DNAH9: variants seen among roughly 807,000 people sequenced by gnomAD.
DNAH9 encodes the protein DNAH9 variant protein.
DNAH9 carries 345 observed loss-of-function variants against 471.6 expected under a neutral mutation model. The ratio of observed to expected loss-of-function variants is 0.73; its 90% CI spans 0.67 to 0.80. The LOEUF (loss-of-function observed/expected upper bound fraction) is 0.80, where lower values mean the gene tolerates loss of function less well. Ranked by LOEUF, DNAH9 falls within the 30% of genes least tolerant of loss-of-function variation. DNAH9 has a pLI of 0.00. For missense variants in DNAH9, 5,407 were observed against 5,609.2 expected, an observed-to-expected ratio of 0.96 and a Z score of 1.15; for synonymous variants, 2,093 against 2,123.6, an observed-to-expected ratio of 0.99 and a Z score of 0.40.
chr17:11,937,931 C>G lies in DNAH9; in HGVS notation c.12660+409C>G, dbSNP rs1974768009. Among the ~76,000 whole-genome samples the G allele has an allele frequency of 6.6e-6, 1 of 152,202 alleles. No homozygotes were observed. Among genetic ancestry groups the G allele is most frequent in the Non-Finnish European group, 1.5e-5 (1 of 68,032 alleles). Reference sequence around the variant, plus strand: ...CCTGAGCACCCCCACCTCAGTTCACCAACCAGATGCCAGTGGGGAAGAACA... The same window carrying G: ...CCTGAGCACCCCCACCTCAGTTCACGAACCAGATGCCAGTGGGGAAGAACA... On this transcript the variant is annotated intron_variant, in intron 66 of 68. Transcript: ENST00000262442. This position sits in a 1 kb window ranked among gnomAD's most constrained non-coding sequence, Gnocchi z 4.1.
At chr17:11,846,960 T>C (rs1971246638) in intron 49 of DNAH9, among the ~76,000 whole-genome samples, 1 of 150,388 alleles carries the variant, frequency 6.6e-6, no homozygotes, top group African/African-American at 2.5e-5. Flanking sequence ...ACAGGGACAA[T>C]TTGACTTCCT....
chr17:11,627,774 T>G (rs968410848), intron 6 of DNAH9, among the ~76,000 whole-genome samples: 1 of 152,056 alleles, frequency 6.6e-6, no homozygotes, highest in African/African-American at 2.4e-5. Flanking sequence ...CAAACATACA[T>G]AGCTGAGCAA....
At chr17:11,688,355 G>C (rs543592734) in intron 19 of DNAH9, among the ~76,000 whole-genome samples, 130 of 152,310 alleles carry the variant, frequency 8.5e-4, no homozygotes, top group African/African-American at 2.8e-3. Flanking sequence ...ATGCAGAAGG[G>C]AGTGGCCCAG....
chr17:11,760,878 C>T (rs1037439135), intron 35 of DNAH9, among the ~76,000 whole-genome samples: 1 of 152,194 alleles, frequency 6.6e-6, no homozygotes, highest in Admixed American at 6.5e-5. Context: ...CGCGATGCTC[C>T]CCTGGCATCA....
At chr17:11,967,959 G>C (rs2151458918) in intron 68 of DNAH9, among the ~76,000 whole-genome samples, 1 of 152,176 alleles carries the variant, frequency 6.6e-6, no homozygotes, top group South Asian at 2.1e-4. Flanking sequence ...TAACAAAAGA[G>C]CCCCCAAAAT....
chr17:11,756,267 ACT>A (rs1308903105), intron 33 of DNAH9, among the ~76,000 whole-genome samples: 1 of 79,510 alleles, frequency 1.3e-5, no homozygotes, highest in Non-Finnish European at 2.7e-5. Flanking sequence ...ACAGAGCGAG[ACT>A]CTGTCAAAAA....
chr17:11,669,554 A>C lies in DNAH9; in HGVS notation c.3113A>C (p.Glu1038Ala), dbSNP rs747381768. 4 of 1,614,134 alleles carry C rather than the reference A, an allele frequency of 2.5e-6. No individual in the cohort carries two copies. Among genetic ancestry groups the C allele is most frequent in the Non-Finnish European group, 1.7e-6 (2 of 1,180,022 alleles). ...FLLYGHILTPEEIEDHVEDGI... is the reference protein window; with the variant it reads ...FLLYGHILTPAEIEDHVEDGI... ...CTGTACGGGCACATCCTCACTCCGG[A>C]AGAAATTGAAGACCATGTGGAAGAT... Residue 1038 changes from glutamate to alanine, a missense_variant, in exon 17 of 69, where the codon GAA becomes GCA. Transcript: ENST00000262442.
At position 11,679,652 on chromosome 17, in the gene DNAH9, G is replaced by A. The variant is rs112585497; in HGVS notation, c.3354-105G>A. The A allele has an allele frequency of 2.2e-5, 18 of 815,648 alleles. 1 individual carries two copies. Among genetic ancestry groups the A allele is most frequent in the African/African-American group, 1.3e-4 (8 of 60,082 alleles). The allele number at this position is 815,648 out of a possible 1,614,324, so 50.5% of individuals were successfully genotyped here. The stretch of plus-strand genomic sequence containing the variant: ...TGCTTAGTCAAGTGTTGGGCATGTG[G>A]TAGGATTTTCATAATGATAGATATT... On this transcript the variant is annotated intron_variant, in intron 17 of 68. Transcript: ENST00000262442.
At chr17:11,929,740 A>C in intron 62 of DNAH9, 126 bp from the exon 63 acceptor site, 1 of 785,370 alleles carries the variant, frequency 1.3e-6, no homozygotes. Flanking sequence ...ACGTCTTACC[A>C]CAATTTTTAA....
rs961551865 is a variant in DNAH9 at position 11,815,271 on chromosome 17, A to G, written c.8707+4902A>G. 2.0e-5 allele frequency among the ~76,000 whole-genome samples: 3 copies of G among 151,084 alleles called. 1 individual carries two copies. Among genetic ancestry groups the G allele is most frequent in the Admixed American group, 1.3e-4 (2 of 15,148 alleles). On this transcript the variant is annotated intron_variant, in intron 45 of 68. Transcript: ENST00000262442. Reference sequence around the variant, plus strand: ...AGACTTTGTGTTCTGTGGATTCCCTATATTGCTAACCTCTCCCTTACCACC... The same window carrying G: ...AGACTTTGTGTTCTGTGGATTCCCTGTATTGCTAACCTCTCCCTTACCACC...
intron 61 of DNAH9, among the ~76,000 whole-genome samples, chr17:11,917,252 G>A (rs1973988028): frequency 6.6e-6 from 1 of 152,286 alleles, no homozygotes; most frequent in African/African-American, 2.4e-5. Flanking sequence ...CACCTCCCGG[G>A]TTCAAGCGAT....
intron 43 of DNAH9, among the ~76,000 whole-genome samples, chr17:11,801,217 A>G (rs999191877): frequency 6.6e-6 from 1 of 152,348 alleles, no homozygotes; most frequent in Non-Finnish European, 1.5e-5. Flanking sequence ...GCAATAGTGC[A>G]ATCTGGCTCC....
At chr17:11,824,309 A>T (rs1407402957) in intron 48 of DNAH9, among the ~76,000 whole-genome samples, 3 of 152,046 alleles carry the variant, frequency 2.0e-5, no homozygotes, top group Non-Finnish European at 4.4e-5. Context: ...TCTCCTTTTG[A>T]CTTGTCCTTT....
At chr17:11,665,017 G>C (rs1414258501) in intron 15 of DNAH9, 49 bp downstream of exon 15, 1 of 1,542,194 alleles carries the variant, frequency 6.5e-7, no homozygotes, top group Non-Finnish European at 8.9e-7. Context: ...GATAACAACA[G>C]TAACATTTGT....
chr17:11,619,653 T>C lies in DNAH9; in HGVS notation c.1222T>C (p.Phe408Leu). The C allele has an allele frequency of 6.2e-7, 1 of 1,613,162 alleles. No homozygotes were observed. Among genetic ancestry groups the C allele is most frequent in the Non-Finnish European group, 8.5e-7 (1 of 1,179,648 alleles). ...CACTTTGAGCTTCTTCAAGCAAGAG[T>C]TTCAGGACAGAAGGGAGAATCTCCA... is the stretch of plus-strand genomic sequence containing the variant. ...SDTLSFFKQEFQDRRENLHTY... is the reference protein window; with the variant it reads ...SDTLSFFKQELQDRRENLHTY... Residue 408 changes from phenylalanine to leucine, a missense_variant, in exon 6 of 69, where the codon TTT (phenylalanine) becomes CTT (leucine). By Grantham distance (22) the Phe-to-Leu change is conservative. Around this residue, in one of 3 missense-constraint regions of DNAH9, gnomAD observed 767 missense variants for 692.5 expected, o/e 1.11. Coordinates refer to ENST00000262442, the MANE Select transcript of DNAH9 (RefSeq NM_001372.4).
intron 68 of DNAH9, among the ~76,000 whole-genome samples, chr17:11,965,873 G>A (rs1232799523): frequency 6.6e-6 from 1 of 152,080 alleles, no homozygotes; most frequent in East Asian, 1.9e-4. Context: ...AATTGAATAA[G>A]CAGAAAAATC....
chr17:11,704,531 C>G, intron 25 of DNAH9, 89 bp downstream of exon 25: 1 of 1,275,798 alleles, frequency 7.8e-7, no homozygotes, highest in South Asian at 1.4e-5. Flanking sequence ...GCCCCAGGGT[C>G]TGTACAGCAC....
At chr17:11,909,941 T>C (rs1033799517) in intron 61 of DNAH9, among the ~76,000 whole-genome samples, 7 of 152,204 alleles carry the variant, frequency 4.6e-5, no homozygotes, top group Non-Finnish European at 7.3e-5. Flanking sequence ...TCAGCCATCA[T>C]TTACTTTCTG....
intron 67 of DNAH9, among the ~76,000 whole-genome samples, chr17:11,956,843 A>T (rs1975663850): frequency 6.6e-6 from 1 of 151,846 alleles, no homozygotes; most frequent in East Asian, 1.9e-4. Flanking sequence ...TTCCCAAATC[A>T]ATTATCTAAG....
Sources: allele counts gnomAD v4.1 joint callset (sites outside exome capture counted in the v4.1 genomes callset), GRCh38; gene constraint gnomAD v4.1.1; regional missense constraint gnomAD v4.1.1; non-coding constraint Gnocchi (gnomAD v3.1); transcripts MANE v1.5; gene names NCBI Gene and HGNC (gene_info 2026-07-23, HGNC 2026-07-21).